The following PCDHGA10 variants were observed in gnomAD, a reference collection of about 807,000 sequenced individuals.
The protein encoded by PCDHGA10 is protocadherin gamma subfamily A, 10.
A neutral mutation model predicts 59.5 loss-of-function variants in PCDHGA10; 42 were observed. The ratio of observed to expected loss-of-function variants is 0.71; its 90% CI spans 0.55 to 0.91. The LOEUF (loss-of-function observed/expected upper bound fraction) is 0.91. Ranked by LOEUF, PCDHGA10 falls within the 40% of genes least tolerant of loss-of-function variation. PCDHGA10 has a pLI of 0.00. For synonymous variants in PCDHGA10, 511 were observed against 517.2 expected (o/e 0.99, Z 0.16); for missense variants, 1,111 against 1,198.2 (o/e 0.93, Z 1.07).
rs143779180 is a variant in PCDHGA10 at position 141,485,438 on chromosome 5, C to A, written c.2437-9369C>A. The A allele has an allele frequency of 9.9e-6, 16 of 1,614,170 alleles. No individual in the cohort carries two copies. The African/African-American group carries it at 1.3e-4, about 13-fold the overall frequency. Reference sequence around the variant, plus strand: ...CAGCGGAGCCCTGCTCATCAAGAACCCAATCGACCGAGAGGCACTGTGTGG... The same window carrying A: ...CAGCGGAGCCCTGCTCATCAAGAACACAATCGACCGAGAGGCACTGTGTGG... On this transcript the variant is annotated intron_variant, in intron 1 of 3. Coordinates refer to ENST00000398610, the MANE Select transcript of PCDHGA10 (RefSeq NM_018913.3). The surrounding 1 kb of genome is among the most constrained non-coding windows in gnomAD (Gnocchi z 5.7).
chr5:141,420,318 T>C, intron 1 of PCDHGA10: 1 of 1,446,376 alleles, frequency 6.9e-7, no homozygotes, highest in Non-Finnish European at 9.3e-7. Context: ...TATTACAATA[T>C]GCCAATATAT....
intron 2 of PCDHGA10, among the ~76,000 whole-genome samples, chr5:141,499,326 C>T (rs1465474737): frequency 6.6e-6 from 1 of 152,156 alleles, no homozygotes. Context: ...TATCCCTGCT[C>T]TCTCTCAGTT....
chr5:141,413,441 T>C lies in PCDHGA10; in HGVS notation c.266T>C (p.Ile89Thr), dbSNP rs760538286. 6.2e-7 allele frequency: 1 copy of C among 1,614,056 alleles called. No individual in the cohort carries two copies. Among genetic ancestry groups the C allele is most frequent in the Non-Finnish European group, 8.5e-7 (1 of 1,179,946 alleles). The change falls in exon 1 of 4, where the codon ATC becomes ACC. Residue 89 changes from isoleucine (I) to threonine (T), a missense_variant. Physicochemically the swap from Ile to Thr is moderately conservative, Grantham distance 89. Transcript: ENST00000398610. ...FSLNPRSGSL[I>T]TAGRIDREEL... Reference sequence around the variant, plus strand: ...CTGAACCCGCGCAGCGGCAGCTTGATCACCGCGGGCAGGATAGACCGGGAG... The same window carrying C: ...CTGAACCCGCGCAGCGGCAGCTTGACCACCGCGGGCAGGATAGACCGGGAG...
intron 3 of PCDHGA10, 133 bp downstream of exon 3, chr5:141,505,614 AC>A: frequency 6.6e-7 from 1 of 1,510,758 alleles, no homozygotes; most frequent in Non-Finnish European, 8.9e-7. Flanking sequence ...GTCTGAAAGG[AC>A]CCACAATTCC....
At chr5:141,455,430 G>C (rs190218223) in intron 1 of PCDHGA10, among the ~76,000 whole-genome samples, 1 of 152,274 alleles carries the variant, frequency 6.6e-6, no homozygotes, top group Admixed American at 6.5e-5. Flanking sequence ...CTCCAAAAGA[G>C]GAGGTCCCCA....
chr5:141,430,110 C>T (rs919470038), intron 1 of PCDHGA10, among the ~76,000 whole-genome samples: 1 of 152,060 alleles, frequency 6.6e-6, no homozygotes, highest in Admixed American at 6.5e-5. Flanking sequence ...CGTTACATGT[C>T]AACAACCTGG....
At chr5:141,510,917 C>G in intron 3 of PCDHGA10, 30 bp from the exon 4 acceptor site, 1 of 1,613,854 alleles carries the variant, frequency 6.2e-7, no homozygotes, top group Non-Finnish European at 8.5e-7. Flanking sequence ...CTAAGTTTAG[C>G]TCCCACCTGA....
rs747351388 is a variant in PCDHGA10 at position 141,415,083 on chromosome 5, G to T, written c.1908G>T (p.Leu636=). The T allele has an allele frequency of 6.2e-7, 1 of 1,613,514 alleles. No homozygotes were observed. Residue 636 remains leucine, a synonymous_variant, in exon 1 of 4, where the codon CTG becomes CTT. Transcript: ENST00000398610. ...HTGEVRTARA[L]LDRDALKQSL... ...GCGAGGTGCGCACGGCGCGAGCCCT[G>T]CTGGACAGAGACGCGCTCAAGCAAA... is the stretch of plus-strand genomic sequence containing the variant.
chr5:141,433,054 G>A, intron 1 of PCDHGA10: 2 of 1,614,196 alleles, frequency 1.2e-6, no homozygotes, highest in Non-Finnish European at 1.7e-6. Context: ...ACTCGCGGAA[G>A]AGTCACCTGA....
At chr5:141,435,054 C>A (rs891988253) in intron 1 of PCDHGA10, among the ~76,000 whole-genome samples, 7 of 151,964 alleles carry the variant, frequency 4.6e-5, no homozygotes, top group Admixed American at 1.3e-4. Context: ...ATTGACCATG[C>A]AGCAGTTTTG....
chr5:141,428,116 A>G, intron 1 of PCDHGA10: 1 of 1,607,216 alleles, frequency 6.2e-7, no homozygotes, highest in Non-Finnish European at 8.5e-7. Flanking sequence ...CAGGCCATCG[A>G]GCCCGGGCTT....
At position 141,413,689 on chromosome 5, in the gene PCDHGA10, C is replaced by A; in HGVS notation, c.514C>A (p.Gln172Lys). 2 of 1,613,800 alleles carry A rather than the reference C, an allele frequency of 1.2e-6. No homozygotes were observed. Among genetic ancestry groups the A allele is most frequent in the Non-Finnish European group, 1.7e-6 (2 of 1,179,896 alleles). ...TCCGGATGTGGGCGTGAACTCCCTG[C>A]AGAGCTATCAGCTCAGCCCCAATAA... ...IDPDVGVNSL[Q>K]SYQLSPNKHF... is the part of the protein sequence containing the mutation. Residue 172 changes from glutamine (Q) to lysine (K), a missense_variant, in exon 1 of 4, where the codon CAG becomes AAG. Gln to Lys is a moderately conservative substitution (Grantham distance 53, BLOSUM62 1). Coordinates refer to ENST00000398610, the MANE Select transcript of PCDHGA10 (RefSeq NM_018913.3).
In PCDHGA10 at chr5:141,486,581, C is replaced by T; in HGVS notation, c.2437-8226C>T. 1 of 1,613,764 alleles carries T rather than the reference C, an allele frequency of 6.2e-7. No individual in the cohort carries two copies. The highest frequency in any genetic ancestry group is 1.1e-5 in the South Asian group (1 of 91,082). On this transcript the variant is annotated intron_variant, in intron 1 of 3. Coordinates refer to ENST00000398610, the MANE Select transcript of PCDHGA10 (RefSeq NM_018913.3). This position sits in a 1 kb window ranked among gnomAD's most constrained non-coding sequence, Gnocchi z 5.0. ...GGTGTTTGTTCCTGAGAACAATCGC[C>T]CAGGGGACCTGCTTTGCTCCCTTGC... is the stretch of plus-strand genomic sequence containing the variant.
At position 141,432,412 on chromosome 5, in the gene PCDHGA10, C is replaced by G. The variant is rs773688197; in HGVS notation, c.2436+16801C>G. 1.9e-6 allele frequency: 3 copies of G among 1,614,246 alleles called. No individual in the cohort carries two copies. The highest frequency in any genetic ancestry group is 2.2e-5 in the East Asian group (1 of 44,882). ...GCAGCAACGTGTCGTTGAGCCTGTT[C>G]GTGCTGGACCAGAACGACAATGCGC... On this transcript the variant is annotated intron_variant, in intron 1 of 3. Transcript: ENST00000398610. This position sits in a 1 kb window ranked among gnomAD's most constrained non-coding sequence, Gnocchi z 6.0.
At position 141,414,173 on chromosome 5, in the gene PCDHGA10, C is replaced by A; in HGVS notation, c.998C>A (p.Ala333Glu). 1 of 1,606,526 alleles carries A rather than the reference C, an allele frequency of 6.2e-7. No homozygotes were observed. The change falls in exon 1 of 4, where the codon GCA becomes GAA. Residue 333 changes from alanine (A) to glutamate (E), a missense_variant. Transcript: ENST00000398610. ...GCAGAAGATGGAGGAGCATATCTTG[C>A]AACTGCAAAAGTGTTGATTACAGTA... The part of the protein sequence containing the change: ...IQAEDGGAYL[A>E]TAKVLITVED...
In PCDHGA10 at chr5:141,490,639, C is replaced by T. The variant is rs1345892739; in HGVS notation, c.2437-4168C>T. 25 of 1,614,200 alleles carry T rather than the reference C, an allele frequency of 1.5e-5. No homozygotes were observed. Among genetic ancestry groups the T allele is most frequent in the East Asian group, 2.2e-5 (1 of 44,878 alleles). ...TTACACTGCTTACATCCTAGAAAAC[C>T]GGCCTCCGGGCTCCCTTCTTTGCAC... On this transcript the variant is annotated intron_variant, in intron 1 of 3. Transcript: ENST00000398610. This position sits in a 1 kb window ranked among gnomAD's most constrained non-coding sequence, Gnocchi z 5.4.
intron 1 of PCDHGA10, chr5:141,440,564 A>T (rs531383065): frequency 1.3e-5 from 2 of 152,248 alleles, no homozygotes; most frequent in Non-Finnish European, 2.9e-5. Context: ...TAAGTTACGT[A>T]TCTCTGAGTT....
intron 1 of PCDHGA10, chr5:141,418,431 A>T (rs751083183): frequency 1.9e-6 from 3 of 1,614,000 alleles, no homozygotes; most frequent in East Asian, 2.2e-5. Flanking sequence ...GGTGGCAAAT[A>T]TCCAGAATTA....
In PCDHGA10 at chr5:141,491,729, C is replaced by T. The variant is rs766649819; in HGVS notation, c.2437-3078C>T. On this transcript the variant is annotated intron_variant, in intron 1 of 3. Coordinates refer to ENST00000398610, the MANE Select transcript of PCDHGA10 (RefSeq NM_018913.3). This position sits in a 1 kb window ranked among gnomAD's most constrained non-coding sequence, Gnocchi z 6.9. ...AGGGGCTCGGCGCCGCCCCGGGCGA[C>T]CCCTGGGGGCGGCACTGGAGAAGCC... 6.1e-5 allele frequency: 98 copies of T among 1,603,832 alleles called. No homozygotes were observed. Among genetic ancestry groups the T allele is most frequent in the Non-Finnish European group, 7.9e-5 (93 of 1,175,848 alleles).
Sources: gnomAD v4.1 joint callset for allele counts (sites outside exome capture counted in the v4.1 genomes callset) on GRCh38, gnomAD v4.1.1 for gene constraint, Gnocchi (gnomAD v3.1) non-coding constraint, MANE v1.5 for transcripts, NCBI Gene and HGNC (gene_info 2026-07-23, HGNC 2026-07-21) for gene names.